The following CHN2 variants were observed in gnomAD, a reference collection of about 807,000 sequenced individuals.
CHN2 encodes the protein chimerin 2.
Under a neutral mutation model 56.3 loss-of-function variants are expected in CHN2, and 35 were observed. That is an observed-to-expected ratio of 0.62 (90% CI 0.47 to 0.82). CHN2 has a LOEUF of 0.82. Among genes scored for constraint, CHN2 ranks in the 40% least tolerant of loss-of-function variants. CHN2 has a pLI of 0.00. For synonymous variants in CHN2, 210 were observed against 212.8 expected (o/e 0.99, Z 0.12); for missense variants, 491 against 580.5 (o/e 0.85, Z 1.58).
intron 1 of CHN2, among the ~76,000 whole-genome samples, chr7:29,232,193 T>C (rs916727658): frequency 6.6e-6 from 1 of 152,316 alleles, no homozygotes; most frequent in Middle Eastern, 3.4e-3. Flanking sequence ...TAGGAGACAA[T>C]AGATTCAGGA....
At position 29,211,968 on chromosome 7, in the gene CHN2, C is replaced by T. The variant is rs185288464; in HGVS notation, c.49+16978C>T. On this transcript the variant is annotated intron_variant, in intron 1 of 12. Coordinates refer to ENST00000222792, the MANE Select transcript of CHN2 (RefSeq NM_004067.4). ...CGAACCTCTTACCATCCAACTTCAA[C>T]AATGATCGCATCATAGCCTGGTTTC... Among the ~76,000 whole-genome samples the T allele has an allele frequency of 2.0e-3, 299 of 152,300 alleles. 1 individual carries two copies. The highest frequency in any genetic ancestry group is 7.0e-3 in the African/African-American group (291 of 41,556).
chr7:29,156,193 C>T (rs1411670764), intron 2 of CHN2, among the ~76,000 whole-genome samples: 3 of 152,174 alleles, frequency 2.0e-5, no homozygotes, highest in East Asian at 1.9e-4. Flanking sequence ...CCACTGGACT[C>T]GTCTGGTTTT....
At chr7:29,438,552 T>G (rs1318933436) in intron 6 of CHN2, among the ~76,000 whole-genome samples, 1 of 152,242 alleles carries the variant, frequency 6.6e-6, no homozygotes, top group African/African-American at 2.4e-5. Flanking sequence ...ATGAACATCC[T>G]TGTAGCTAAA....
At chr7:29,207,697 G>T (rs987710859) in intron 1 of CHN2, among the ~76,000 whole-genome samples, 73 of 152,112 alleles carry the variant, frequency 4.8e-4, no homozygotes, top group African/African-American at 1.7e-3. Flanking sequence ...TGTGTCTGTG[G>T]CTGCCTCCAT....
intron 1 of CHN2, among the ~76,000 whole-genome samples, chr7:29,353,346 C>T (rs549246959): frequency 6.6e-6 from 1 of 152,318 alleles, no homozygotes; most frequent in Admixed American, 6.5e-5. Flanking sequence ...CACCTTTCTT[C>T]GTGAATGAGT....
rs73306254 is a variant in CHN2, at chr7:29,198,549, C to T, written c.49+3559C>T. Among the ~76,000 whole-genome samples, 765 of 152,258 alleles carry T rather than the reference C, an allele frequency of 5.0e-3. 5 individuals carry two copies. Among genetic ancestry groups the T allele is most frequent in the African/African-American group, 0.017 (726 of 41,534 alleles). On this transcript the variant is annotated intron_variant, in intron 1 of 12. Transcript: ENST00000222792. Reference sequence around the variant, plus strand: ...TGCTTTACCTTTGTTTTAATAACTACTGGTAATTAAATTTCACAATCACCT... The same window carrying T: ...TGCTTTACCTTTGTTTTAATAACTATTGGTAATTAAATTTCACAATCACCT...
chr7:29,235,997 CCG>C (rs1025095036), intron 1 of CHN2, among the ~76,000 whole-genome samples: 5 of 152,182 alleles, frequency 3.3e-5, no homozygotes, highest in Non-Finnish European at 7.3e-5. Context: ...CACAGTTTGT[CCG>C]CGGAACAAAC....
chr7:29,357,106 C>G (rs1312817379), intron 2 of CHN2, among the ~76,000 whole-genome samples: 1 of 152,186 alleles, frequency 6.6e-6, no homozygotes, highest in Non-Finnish European at 1.5e-5. Flanking sequence ...GCTGGAAAAT[C>G]CTTGCTACTT....
intron 1 of CHN2, among the ~76,000 whole-genome samples, chr7:29,301,148 A>C (rs930906547): frequency 6.6e-6 from 1 of 152,112 alleles, no homozygotes; most frequent in African/African-American, 2.4e-5. Context: ...ATTTTTTCTT[A>C]AAAAGCTTGT....
At chr7:29,237,870 G>A (rs888887647) in intron 1 of CHN2, among the ~76,000 whole-genome samples, 5 of 152,134 alleles carry the variant, frequency 3.3e-5, no homozygotes, top group South Asian at 2.1e-4. Flanking sequence ...TCCTTTGTAC[G>A]TGCTTCCGAG....
At position 29,499,962 on chromosome 7, in the gene CHN2, C is replaced by T. The variant is rs1188511274; in HGVS notation, c.835C>T (p.Leu279Phe). 9 of 1,610,576 alleles carry T rather than the reference C, an allele frequency of 5.6e-6. No individual in the cohort carries two copies. Among genetic ancestry groups the T allele is most frequent in the Non-Finnish European group, 7.6e-6 (9 of 1,178,422 alleles). ...GATCAAGAAAGTGTACTGTTGTGAC[C>T]TCACAACACTTGTGAAGGCTCACAA... The part of the protein sequence containing the change: ...KRIKKVYCCD[L>F]TTLVKAHNTQ... The change falls in exon 9 of 13, where the codon CTC (leucine) becomes TTC (phenylalanine). Residue 279 changes from leucine (L) to phenylalanine (F), a missense_variant. Coordinates refer to ENST00000222792, the MANE Select transcript of CHN2 (RefSeq NM_004067.4).
intron 1 of CHN2, among the ~76,000 whole-genome samples, chr7:29,253,544 G>A (rs966796810): frequency 8.5e-5 from 13 of 152,192 alleles, no homozygotes; most frequent in African/African-American, 3.1e-4. Flanking sequence ...TTATGGATTT[G>A]GGGTAGGAAA....
chr7:29,262,911 T>A (rs1789679166), intron 1 of CHN2, among the ~76,000 whole-genome samples: 1 of 151,602 alleles, frequency 6.6e-6, no homozygotes, highest in African/African-American at 2.4e-5. Context: ...AACCTGCACA[T>A]CCTGCACATA....
chr7:29,327,669 G>A (rs556421241), intron 1 of CHN2, among the ~76,000 whole-genome samples: 2 of 152,180 alleles, frequency 1.3e-5, no homozygotes, highest in South Asian at 4.2e-4. Flanking sequence ...CTCCCATATT[G>A]GGATAGCCAG....
chr7:29,347,996 CT>C (rs1181259041), intron 1 of CHN2, among the ~76,000 whole-genome samples: 2 of 151,974 alleles, frequency 1.3e-5, no homozygotes, highest in African/African-American at 2.4e-5. Flanking sequence ...CTTAATGGTG[CT>C]TTTTTTTCCC....
intron 1 of CHN2, among the ~76,000 whole-genome samples, chr7:29,313,145 T>C (rs1794712797): frequency 6.6e-6 from 1 of 152,194 alleles, no homozygotes; most frequent in South Asian, 2.1e-4. Context: ...AATTCTTTCG[T>C]AGATTTCCAG....
rs189272762 is a variant in CHN2 at position 29,169,219 on chromosome 7, G to A, written c.274+22259G>A. Among the ~76,000 whole-genome samples the A allele has an allele frequency of 1.9e-3, 290 of 152,134 alleles. 2 individuals are homozygous for A. Among genetic ancestry groups the A allele is most frequent in the African/African-American group, 6.8e-3 (281 of 41,500 alleles). ...AAAGGCATGTTACTCAAAATACATGGTTGTACTACGAATAAATGCACTATG... is the reference window on the plus strand; with the variant it reads ...AAAGGCATGTTACTCAAAATACATGATTGTACTACGAATAAATGCACTATG... On this transcript the variant is annotated intron_variant, in intron 2 of 6. Transcript: ENST00000439384.
At chr7:29,406,891 C>G (rs534183557) in intron 6 of CHN2, among the ~76,000 whole-genome samples, 1 of 152,178 alleles carries the variant, frequency 6.6e-6, no homozygotes, top group Non-Finnish European at 1.5e-5. Context: ...CTAATTCTAA[C>G]GCCCTCCACC....
intron 1 of CHN2, among the ~76,000 whole-genome samples, chr7:29,209,339 C>A (rs1433564635): frequency 1.3e-5 from 2 of 152,198 alleles, no homozygotes; most frequent in East Asian, 3.9e-4. Flanking sequence ...CTCTCATAGT[C>A]AAAAAGCTTA....
Sources: allele counts gnomAD v4.1 joint callset (sites outside exome capture counted in the v4.1 genomes callset), GRCh38; gene constraint gnomAD v4.1.1; transcripts MANE v1.5; gene names NCBI Gene and HGNC (gene_info 2026-07-23, HGNC 2026-07-21).